DCC: variants seen among roughly 807,000 people sequenced by gnomAD.
DCC encodes DCC netrin 1 receptor.
In DCC, 58 loss-of-function variants were observed where a neutral mutation model predicts 172.5. That is an observed-to-expected ratio of 0.34 (90% CI 0.27 to 0.42). The LOEUF (loss-of-function observed/expected upper bound fraction) is 0.42, where lower values mean the gene tolerates loss of function less well. DCC is among the 10% of genes least tolerant of loss of function. The probability of loss-of-function intolerance (pLI) is 1.00; values close to 1 mark genes in which losing one functional copy is unlikely to be tolerated. For synonymous variants in DCC, 709 were observed against 644.5 expected (o/e 1.10, Z -1.52); for missense variants, 1,740 against 1,791.0 (o/e 0.97, Z 0.51).
intron 26 of DCC, among the ~76,000 whole-genome samples, chr18:53,497,489 A>G (rs1472384064): frequency 2.0e-5 from 3 of 152,230 alleles, no homozygotes; most frequent in Admixed American, 6.5e-5. Context: ...CATCTCTTTC[A>G]GGCCAGTGCC....
chr18:52,712,758 A>C (rs1309465976), intron 1 of DCC, among the ~76,000 whole-genome samples: 1 of 152,206 alleles, frequency 6.6e-6, no homozygotes, highest in African/African-American at 2.4e-5. Flanking sequence ...TTCATACACC[A>C]ATCGATATCC....
rs368762429 is a variant in DCC, at chr18:53,533,759, A to G, written c.*3106A>G. The G allele has an allele frequency of 5.3e-5, 8 of 152,204 alleles. No homozygotes were observed. The highest frequency in any genetic ancestry group is 1.9e-4 in the African/African-American group (8 of 41,442). 9.4% of individuals were successfully genotyped at this position (152,204 alleles called of 1,614,324 possible). ...TTGGGTATTATAAAATGCATACTCA[A>G]TTGAATGAGCTGAAAAAAATACCAA... is the stretch of plus-strand genomic sequence containing the variant. On this transcript the variant is annotated 3_prime_UTR_variant, in exon 29 of 29. Transcript: ENST00000442544.
chr18:53,314,295 G>A (rs965759513), intron 13 of DCC, among the ~76,000 whole-genome samples: 5 of 152,078 alleles, frequency 3.3e-5, no homozygotes, highest in Non-Finnish European at 7.4e-5. Flanking sequence ...AAAAAGGATC[G>A]CAAGTTAAAT....
intron 12 of DCC, among the ~76,000 whole-genome samples, chr18:53,260,979 C>T (rs374161241): frequency 8.5e-5 from 13 of 152,092 alleles, no homozygotes; most frequent in South Asian, 4.1e-4. Context: ...AGCAAGGTTC[C>T]GTGGGCCTTG....
intron 15 of DCC, among the ~76,000 whole-genome samples, chr18:53,383,326 C>A (rs1907907103): frequency 6.6e-6 from 1 of 151,952 alleles, no homozygotes; most frequent in Admixed American, 6.6e-5. Flanking sequence ...GATTTCACAA[C>A]CTCAGAAATG....
At chr18:53,351,169 A>C (rs901786409) in intron 15 of DCC, among the ~76,000 whole-genome samples, 3 of 149,244 alleles carry the variant, frequency 2.0e-5, no homozygotes, top group Non-Finnish European at 3.0e-5. Flanking sequence ...GGTCCAAAGC[A>C]CAGGAATTGT....
chr18:52,700,901 A>T (rs1278055798), intron 1 of DCC, among the ~76,000 whole-genome samples: 1 of 152,232 alleles, frequency 6.6e-6, no homozygotes. Context: ...TTGGTTGACT[A>T]GCATTGCAAG....
intron 1 of DCC, among the ~76,000 whole-genome samples, chr18:52,467,263 T>C (rs1332301967): frequency 6.6e-6 from 1 of 152,008 alleles, no homozygotes; most frequent in Non-Finnish European, 1.5e-5. Context: ...GTTCTCATTG[T>C]TCAACTCCCA....
chr18:52,644,170 A>C lies in DCC; in HGVS notation c.92-107884A>C, dbSNP rs568261339. 7.2e-5 allele frequency among the ~76,000 whole-genome samples: 11 copies of C among 152,336 alleles called. No individual in the cohort carries two copies. The East Asian group carries it at 2.1e-3, about 29-fold the overall frequency. Reference sequence around the variant, plus strand: ...GTGGTATGGGGAAAATGTGTTATACAGCCAAAACAGATGAGCATCACCAGA... The same window carrying C: ...GTGGTATGGGGAAAATGTGTTATACCGCCAAAACAGATGAGCATCACCAGA... On this transcript the variant is annotated intron_variant, in intron 1 of 28. Coordinates refer to ENST00000442544, the MANE Select transcript of DCC (RefSeq NM_005215.4).
intron 2 of DCC, among the ~76,000 whole-genome samples, chr18:52,781,367 G>A (rs1207339131): frequency 6.6e-6 from 1 of 151,984 alleles, no homozygotes; most frequent in Admixed American, 6.6e-5. Context: ...AGGTACTTTG[G>A]GATAGCATTC....
At chr18:52,809,093 T>C (rs1375553624) in intron 2 of DCC, among the ~76,000 whole-genome samples, 5 of 152,170 alleles carry the variant, frequency 3.3e-5, no homozygotes, top group African/African-American at 1.2e-4. Flanking sequence ...TTCCCTCATA[T>C]CTTACAGGTT....
intron 1 of DCC, among the ~76,000 whole-genome samples, chr18:52,354,405 T>C (rs1487571578): frequency 1.3e-5 from 2 of 152,176 alleles, no homozygotes; most frequent in African/African-American, 4.8e-5. Context: ...CCAGAAAAGA[T>C]GAATATCTGA....
rs111476286 is a variant in DCC, at chr18:52,497,260, C to CAAAAAAA, written c.91+156397_91+156403dup. 4.8e-3 allele frequency among the ~76,000 whole-genome samples: 260 copies of CAAAAAAA among 53,916 alleles called. 15 individuals carry two copies. Among genetic ancestry groups the CAAAAAAA allele is most frequent in the Non-Finnish European group, 7.6e-3 (215 of 28,284 alleles). 35.4% of individuals were successfully genotyped at this position (53,916 alleles called of 152,430 possible). On this transcript the variant is annotated intron_variant, in intron 1 of 28. Transcript: ENST00000442544. ...TGGGTAACAGAGTGAGACCCTGTAT[C>CAAAAAAA]AAAAAAAAAAAAAAAAAAAAATATA... is the stretch of plus-strand genomic sequence containing the variant.
chr18:53,167,110 T>C, intron 8 of DCC, among the ~76,000 whole-genome samples: 1 of 152,152 alleles, frequency 6.6e-6, no homozygotes, highest in Non-Finnish European at 1.5e-5. Flanking sequence ...TAACTCTTCC[T>C]CCCTGAAGCA....
chr18:52,600,797 T>C (rs891225027), intron 1 of DCC, among the ~76,000 whole-genome samples: 13 of 152,150 alleles, frequency 8.5e-5, no homozygotes, highest in African/African-American at 2.9e-4. Context: ...AATTACAAAA[T>C]ATAACTGTGT....
chr18:52,942,779 G>T (rs954246611), intron 5 of DCC, among the ~76,000 whole-genome samples: 1 of 152,180 alleles, frequency 6.6e-6, no homozygotes, highest in Non-Finnish European at 1.5e-5. Flanking sequence ...CATGAGATTT[G>T]GGTGGGGACA....
rs541704038 is a variant in DCC at position 52,570,392 on chromosome 18, A to G, written c.92-181662A>G. On this transcript the variant is annotated intron_variant, in intron 1 of 28. Coordinates refer to ENST00000442544, the MANE Select transcript of DCC (RefSeq NM_005215.4). ...AGGAGATGTATAGTTTAAAATGTCA[A>G]GTTGATTTGACATGTTTCTGGGTTT... Among the ~76,000 whole-genome samples, 5 of 152,306 alleles carry G rather than the reference A, an allele frequency of 3.3e-5. No individual in the cohort carries two copies. In the South Asian group the frequency reaches 1.0e-3, roughly 32 times the overall value.
chr18:53,454,370 A>G (rs551034685), intron 23 of DCC, among the ~76,000 whole-genome samples: 1 of 152,268 alleles, frequency 6.6e-6, no homozygotes, highest in South Asian at 2.1e-4. Flanking sequence ...AACAAAACTT[A>G]AGTTGATTTT....
chr18:52,959,440 C>T (rs910515246), intron 5 of DCC, among the ~76,000 whole-genome samples: 1 of 151,896 alleles, frequency 6.6e-6, no homozygotes, highest in African/African-American at 2.4e-5. Context: ...GGCATATACA[C>T]TTCTGATTCA....
Sources: allele counts gnomAD v4.1 joint callset (sites outside exome capture counted in the v4.1 genomes callset), GRCh38; gene constraint gnomAD v4.1.1; transcripts MANE v1.5; gene names NCBI Gene and HGNC (gene_info 2026-07-23, HGNC 2026-07-21).